The following FUT9 variants were observed in gnomAD, a reference collection of about 807,000 sequenced individuals.
The protein encoded by FUT9 is 4-galactosyl-N-acetylglucosaminide 3-alpha-L-fucosyltransferase 9.
Under a neutral mutation model 29.7 loss-of-function variants are expected in FUT9, and 15 were observed. The ratio of observed to expected loss-of-function variants is 0.51; its 90% CI spans 0.34 to 0.78. The LOEUF is 0.78. Among genes scored for constraint, FUT9 ranks in the 30% least tolerant of loss-of-function variants. The pLI, the probability that FUT9 is intolerant of heterozygous loss-of-function variation, is 0.01. For missense variants in FUT9, 319 were observed against 425.4 expected, an observed-to-expected ratio of 0.75 and a Z score of 2.20; for synonymous variants, 169 against 153.7, an observed-to-expected ratio of 1.10 and a Z score of -0.74.
At chr6:96,188,392 G>C (rs1423713004) in intron 2 of FUT9, among the ~76,000 whole-genome samples, 3 of 151,960 alleles carry the variant, frequency 2.0e-5, no homozygotes, top group African/African-American at 7.2e-5. Flanking sequence ...TCAGCCTCCT[G>C]AGTAGCAAGC....
chr6:96,019,774 G>T lies in FUT9; in HGVS notation c.-98+3562G>T, dbSNP rs186084847. On this transcript the variant is annotated intron_variant, in intron 1 of 2. Transcript: ENST00000302103. The stretch of plus-strand genomic sequence containing the variant: ...GAATGCTCGGCATTCTTAATAGAAA[G>T]ATTCACGGAATTCAGATGTTGATTA... 6.8e-4 allele frequency among the ~76,000 whole-genome samples: 103 copies of T among 152,096 alleles called. 1 individual carries two copies. Among genetic ancestry groups the T allele is most frequent in the African/African-American group, 2.5e-3 (102 of 41,508 alleles).
intron 1 of FUT9, among the ~76,000 whole-genome samples, chr6:96,028,587 C>A (rs1273609077): frequency 6.6e-6 from 1 of 151,392 alleles, no homozygotes; most frequent in East Asian, 1.9e-4. Flanking sequence ...ACTGTAAATT[C>A]TAATTCAATA....
At chr6:96,153,752 T>A (rs1457435315) in intron 2 of FUT9, among the ~76,000 whole-genome samples, 3 of 152,198 alleles carry the variant, frequency 2.0e-5, no homozygotes, top group Non-Finnish European at 4.4e-5. Context: ...ACCTCTCCAG[T>A]TTCCTTACAG....
rs572277189 is a variant in FUT9, at chr6:96,184,674, C to G, written c.-8-18474C>G. On this transcript the variant is annotated intron_variant, in intron 2 of 2. Coordinates refer to ENST00000302103, the MANE Select transcript of FUT9 (RefSeq NM_006581.4). ...TGTCACTATTGTCGTTCAGTTCAAA[C>G]AACTTTTAAATTTCCATCTTGATTT... Among the ~76,000 whole-genome samples, 268 of 152,114 alleles carry G rather than the reference C, an allele frequency of 1.8e-3. 2 individuals carry two copies. Among genetic ancestry groups the G allele is most frequent in the African/African-American group, 6.0e-3 (249 of 41,528 alleles).
rs1218994144 is a variant in FUT9, at chr6:96,210,390, C to A, written c.*6155C>A. 6.0e-6 allele frequency: 1 copy of A among 166,736 alleles called. No individual in the cohort carries two copies. The highest frequency in any genetic ancestry group is 2.4e-5 in the African/African-American group (1 of 41,380). The allele number at this position is 166,736 out of a possible 1,614,324, so 10.3% of individuals were successfully genotyped here. A position where few individuals can be genotyped will look rare whatever the true frequency, so the allele number is the denominator to read the frequency against. ...CGAGTTGCTTATAGTAGTTCGCGAA[C>A]CTGAATGCACATTAGAACCATCTGG... On this transcript the variant is annotated 3_prime_UTR_variant, in exon 3 of 3. Coordinates refer to ENST00000302103, the MANE Select transcript of FUT9 (RefSeq NM_006581.4).
rs1034033007 is a variant in FUT9 at position 96,207,479 on chromosome 6, G to C, written c.*3244G>C. The C allele has an allele frequency of 6.0e-6, 1 of 166,928 alleles. No homozygotes were observed. The highest frequency in any genetic ancestry group is 2.4e-5 in the African/African-American group (1 of 41,414). The allele number at this position is 166,928 out of a possible 1,614,324, so 10.3% of individuals were successfully genotyped here. A position where few individuals can be genotyped will look rare whatever the true frequency, so the allele number is the denominator to read the frequency against. On this transcript the variant is annotated 3_prime_UTR_variant, in exon 3 of 3. Coordinates refer to ENST00000302103, the MANE Select transcript of FUT9 (RefSeq NM_006581.4). ...TAAAACATCAAACTTGTTAGCATTC[G>C]TTCTGGTTTAAATATTTTAGGAGTT...
intron 1 of FUT9, among the ~76,000 whole-genome samples, chr6:96,032,927 T>C (rs1770289235): frequency 6.6e-6 from 1 of 151,602 alleles, no homozygotes; most frequent in Non-Finnish European, 1.5e-5. Context: ...TTAGAGCAAT[T>C]GTAAGAAAAC....
chr6:96,198,359 T>C (rs1381722170), intron 2 of FUT9, among the ~76,000 whole-genome samples: 2 of 149,312 alleles, frequency 1.3e-5, no homozygotes, highest in Admixed American at 1.4e-4. Flanking sequence ...TGAGTGAGAA[T>C]ATGCAGTGTT....
At chr6:96,106,306 A>G (rs1200935360) in intron 1 of FUT9, among the ~76,000 whole-genome samples, 1 of 150,724 alleles carries the variant, frequency 6.6e-6, no homozygotes, top group Non-Finnish European at 1.5e-5. Flanking sequence ...TTATTGGGAG[A>G]AGAGCAACAG....
chr6:96,071,829 T>C lies in FUT9; in HGVS notation c.-97-42210T>C, dbSNP rs149228162. Among the ~76,000 whole-genome samples, 931 of 152,234 alleles carry C rather than the reference T, an allele frequency of 6.1e-3. 15 individuals are homozygous for C. Among genetic ancestry groups the C allele is most frequent in the African/African-American group, 0.021 (889 of 41,562 alleles). ...TTTTTTTCTTTTGTAGAGACAGGGT[T>C]CCACTATGTTACCCAGGCTGGTCTC... On this transcript the variant is annotated intron_variant, in intron 1 of 2. Coordinates refer to ENST00000302103, the MANE Select transcript of FUT9 (RefSeq NM_006581.4).
chr6:96,101,599 T>C (rs1276784463), intron 1 of FUT9, among the ~76,000 whole-genome samples: 1 of 151,990 alleles, frequency 6.6e-6, no homozygotes, highest in East Asian at 1.9e-4. Flanking sequence ...TTCAATTATT[T>C]CATTAAGGAG....
At chr6:96,096,957 C>CTGAATAT (rs1390342934) in intron 1 of FUT9, among the ~76,000 whole-genome samples, 1 of 152,048 alleles carries the variant, frequency 6.6e-6, no homozygotes, top group African/African-American at 2.4e-5. Context: ...TGTTAGAGCA[C>CTGAATAT]CCAGCACATA....
At chr6:96,062,895 T>C (rs1435946015) in intron 1 of FUT9, among the ~76,000 whole-genome samples, 1 of 152,166 alleles carries the variant, frequency 6.6e-6, no homozygotes, top group Non-Finnish European at 1.5e-5. Flanking sequence ...TTAAATGATC[T>C]CTTTTAATAC....
intron 1 of FUT9, among the ~76,000 whole-genome samples, chr6:96,109,610 T>C (rs902848581): frequency 3.3e-5 from 5 of 152,222 alleles, no homozygotes; most frequent in African/African-American, 9.6e-5. Context: ...TTTATTCAAA[T>C]ATATCAAATG....
At chr6:96,090,073 A>C (rs2127953526) in intron 1 of FUT9, among the ~76,000 whole-genome samples, 1 of 152,224 alleles carries the variant, frequency 6.6e-6, no homozygotes, top group South Asian at 2.1e-4. Flanking sequence ...CAAATTAATA[A>C]GTTTGAACAA....
chr6:96,117,085 AT>A (rs1771925863), intron 2 of FUT9, among the ~76,000 whole-genome samples: 1 of 152,242 alleles, frequency 6.6e-6, no homozygotes, highest in Non-Finnish European at 1.5e-5. Context: ...TCTAGCCTAT[AT>A]TTTGGAAAAC....
intron 2 of FUT9, among the ~76,000 whole-genome samples, chr6:96,124,244 C>T (rs981783207): frequency 6.0e-5 from 9 of 151,006 alleles, no homozygotes; most frequent in Middle Eastern, 6.9e-3. Context: ...CTCCGCCTCC[C>T]GGGTTCACAC....
intron 1 of FUT9, among the ~76,000 whole-genome samples, chr6:96,051,760 G>T (rs1770675094): frequency 6.6e-6 from 1 of 151,772 alleles, no homozygotes. Context: ...TACATGATTT[G>T]CAAACCAATA....
chr6:96,022,687 A>G (rs1770091327), intron 1 of FUT9, among the ~76,000 whole-genome samples: 1 of 151,788 alleles, frequency 6.6e-6, no homozygotes, highest in African/African-American at 2.4e-5. Context: ...TACTCTTTCT[A>G]TTTTATAAGC....
Sources: gnomAD v4.1 joint callset for allele counts (sites outside exome capture counted in the v4.1 genomes callset) on GRCh38, gnomAD v4.1.1 for gene constraint, MANE v1.5 for transcripts, NCBI Gene and HGNC (gene_info 2026-07-23, HGNC 2026-07-21) for gene names.